Variants in KCNA6 observed in about 807,000 individuals in gnomAD.
The protein encoded by KCNA6 is potassium voltage-gated channel subfamily A member 6, also known as human brain potassium channel-2.
KCNA6 carries 17 observed loss-of-function variants against 29.5 expected under a neutral mutation model. The observed-to-expected ratio is 0.58, with a 90% CI of 0.39 to 0.86. KCNA6 has a LOEUF of 0.86. Among genes scored for constraint, KCNA6 ranks in the 40% least tolerant of loss-of-function variants. The probability of loss-of-function intolerance (pLI) is 0.00; values close to 1 mark genes in which losing one functional copy is unlikely to be tolerated. For missense variants in KCNA6, 450 were observed against 703.4 expected, an observed-to-expected ratio of 0.64 and a Z score of 4.07; for synonymous variants, 296 against 304.7, an observed-to-expected ratio of 0.97 and a Z score of 0.30.
At chr12:4,834,979 AG>A in the KCNA6 span, among the ~76,000 whole-genome samples, 1 of 152,170 alleles carries the variant, frequency 6.6e-6, no homozygotes, top group Admixed American at 6.5e-5. Flanking sequence ...GACTGACCTA[AG>A]GCACAACAAC....
chr12:4,826,970 C>T, the KCNA6 span, among the ~76,000 whole-genome samples: 7 of 152,018 alleles, frequency 4.6e-5, no homozygotes, highest in African/African-American at 7.2e-5. Context: ...CAATGATAAA[C>T]GTCTTCCTTC....
chr12:4,825,474 C>T, the KCNA6 span, among the ~76,000 whole-genome samples: 2 of 152,180 alleles, frequency 1.3e-5, no homozygotes, highest in African/African-American at 4.8e-5. Flanking sequence ...TGTCTGCTCA[C>T]ATACCCCCAA....
chr12:4,827,347 C>G, the KCNA6 span, among the ~76,000 whole-genome samples: 1 of 151,954 alleles, frequency 6.6e-6, no homozygotes, highest in Non-Finnish European at 1.5e-5. Context: ...CCAGATCCTT[C>G]TTTATTTCGG....
chr12:4,822,886 C>T, the KCNA6 span, among the ~76,000 whole-genome samples: 1 of 152,328 alleles, frequency 6.6e-6, no homozygotes, highest in South Asian at 2.1e-4. Flanking sequence ...CTGGGTTATT[C>T]CCAGTTGGTT....
chr12:4,850,246 T>A, the KCNA6 span, among the ~76,000 whole-genome samples: 33 of 152,132 alleles, frequency 2.2e-4, no homozygotes, highest in Non-Finnish European at 4.4e-4. This position sits in a 1 kb window ranked among gnomAD's most constrained non-coding sequence, Gnocchi z 5.4. Context: ...TGGCAGGAAC[T>A]CTTTCAGGGA....
the KCNA6 span, among the ~76,000 whole-genome samples, chr12:4,850,535 G>A: frequency 6.6e-6 from 1 of 152,222 alleles, no homozygotes; most frequent in Admixed American, 6.5e-5. This position sits in a 1 kb window ranked among gnomAD's most constrained non-coding sequence, Gnocchi z 5.4. Context: ...ATTAGTTGCT[G>A]GAGTTCAGTG....
the KCNA6 span, among the ~76,000 whole-genome samples, chr12:4,825,033 C>A: frequency 1.3e-5 from 2 of 152,108 alleles, no homozygotes; most frequent in Non-Finnish European, 2.9e-5. Context: ...TGAAAAATGC[C>A]CAGAGAAAGA....
the KCNA6 span, among the ~76,000 whole-genome samples, chr12:4,840,548 A>C: frequency 6.6e-6 from 1 of 152,242 alleles, no homozygotes; most frequent in African/African-American, 2.4e-5. Flanking sequence ...CTCTGTTGAC[A>C]AATCTGCGGG....
At chr12:4,836,566 G>A in the KCNA6 span, among the ~76,000 whole-genome samples, 1 of 152,202 alleles carries the variant, frequency 6.6e-6, no homozygotes. Flanking sequence ...GGAGCTAGGA[G>A]CTTGGGATAT....
chr12:4,836,813 A>C, the KCNA6 span, among the ~76,000 whole-genome samples: 1 of 152,210 alleles, frequency 6.6e-6, no homozygotes, highest in South Asian at 2.1e-4. Context: ...TGTCTGATAT[A>C]GCCAGTTGCA....
At chr12:4,834,948 G>C in the KCNA6 span, among the ~76,000 whole-genome samples, 3 of 152,150 alleles carry the variant, frequency 2.0e-5, no homozygotes, top group Non-Finnish European at 4.4e-5. Context: ...ACCAGGGACT[G>C]AAAAGCAAGC....
chr12:4,834,992 C>T, the KCNA6 span, among the ~76,000 whole-genome samples: 2 of 152,158 alleles, frequency 1.3e-5, no homozygotes, highest in African/African-American at 4.8e-5. Context: ...CACAACAACT[C>T]TGTTAACTAG....
chr12:4,848,598 G>C, the KCNA6 span, among the ~76,000 whole-genome samples: 1 of 151,734 alleles, frequency 6.6e-6, no homozygotes, highest in South Asian at 2.1e-4. Flanking sequence ...GCAATGGCTC[G>C]ATCTCGGCTC....
downstream of KCNA6, among the ~76,000 whole-genome samples, chr12:4,816,132 A>G (rs1007505979): frequency 6.6e-6 from 1 of 152,204 alleles, no homozygotes; most frequent in Non-Finnish European, 1.5e-5. Context: ...TAGCATGTCT[A>G]AAAATGGACC....
At chr12:4,845,424 C>T in the KCNA6 span, among the ~76,000 whole-genome samples, 2 of 152,162 alleles carry the variant, frequency 1.3e-5, no homozygotes, top group African/African-American at 4.8e-5. Context: ...TTGCTTTGTA[C>T]GTGAACTTCT....
Position 4,810,781 on chromosome 12 carries a change from G to A in KCNA6, c.740G>A (p.Gly247Asp). The A allele has an allele frequency of 6.9e-6, 11 of 1,595,006 alleles. No homozygotes were observed. Among genetic ancestry groups the A allele is most frequent in the Non-Finnish European group, 9.4e-6 (11 of 1,170,944 alleles). Residue 247 changes from glycine (G) to aspartate (D), a missense_variant, in exon 1 of 1, where the codon GGC becomes GAC. By Grantham distance (94) the Gly-to-Asp change is moderately conservative. Around this residue, in one of 7 missense-constraint regions of KCNA6, gnomAD observed 74 missense variants for 71.5 expected, o/e 1.03. Coordinates refer to ENST00000280684, the Ensembl canonical transcript of KCNA6. This position sits in a 1 kb window ranked among gnomAD's most constrained non-coding sequence, Gnocchi z 7.5. ...ACCCCTGGGGAAATGGGGACCGGGG[G>A]CTCCTCCTCACTCAGTACTCTTGGG...
the KCNA6 span, among the ~76,000 whole-genome samples, chr12:4,848,209 C>T: frequency 6.6e-6 from 1 of 151,226 alleles, no homozygotes; most frequent in Non-Finnish European, 1.5e-5. Flanking sequence ...GTGTGTCCAC[C>T]TGCAACCAGT....
the KCNA6 span, among the ~76,000 whole-genome samples, chr12:4,842,012 CGTGTGTGTGTGTGTGT>C: frequency 5.0e-3 from 624 of 124,974 alleles, 2 homozygotes; most frequent in South Asian, 7.2e-3. Context: ...ATGGAGCTTA[CGTGTGTGTGTGTGTGT>C]GTGTGTGTGT....
At chr12:4,812,580 G>T in exon 1 of KCNA6, 1 of 167,192 alleles carries the variant, frequency 6.0e-6, no homozygotes. Flanking sequence ...GCAGATGGCA[G>T]CCTTTTCTCC....
Sources: allele counts gnomAD v4.1 joint callset (sites outside exome capture counted in the v4.1 genomes callset), GRCh38; gene constraint gnomAD v4.1.1; regional missense constraint gnomAD v4.1.1; non-coding constraint Gnocchi (gnomAD v3.1); transcripts MANE v1.5; gene names NCBI Gene and HGNC (gene_info 2026-07-23, HGNC 2026-07-21).